The following OR2L3 variants were observed in gnomAD, a reference collection of about 807,000 sequenced individuals.
OR2L3 encodes the protein olfactory receptor family 2 subfamily L member 3, also known as olfactory receptor 2L3.
For missense variants in OR2L3, 369 were observed against 376.6 expected (o/e 0.98, Z 0.17); for synonymous variants, 131 against 139.1 (o/e 0.94, Z 0.41).
At chr1:248,049,043 G>T (rs549369254) in intron 1 of OR2L3, among the ~76,000 whole-genome samples, 3 of 150,840 alleles carry the variant, frequency 2.0e-5, no homozygotes, top group Non-Finnish European at 4.4e-5. Flanking sequence ...GAATAGCTTT[G>T]ATCAAAGGTG....
rs549770484 is a variant in OR2L3, at chr1:248,055,834, C to T, written c.-21-4827C>T. On this transcript the variant is annotated intron_variant, in intron 1 of 1. Transcript: ENST00000359959. ...CCTTTTCAATTGTTTGGAAAAGTTTCAGAAGAAATGATAACAGCTCCTCTT... is the reference window on the plus strand; with the variant it reads ...CCTTTTCAATTGTTTGGAAAAGTTTTAGAAGAAATGATAACAGCTCCTCTT... 2.6e-5 allele frequency: 4 copies of T among 152,332 alleles called. No individual in the cohort carries two copies. The South Asian group carries it at 8.3e-4, about 32-fold the overall frequency. 9.4% of individuals were successfully genotyped at this position (152,332 alleles called of 1,614,324 possible).
rs556311024 is a variant in OR2L3 at position 248,061,489 on chromosome 1, G to A, written c.808G>A (p.Asp270Asn). ...RPRSLRSPTEDKVLAVFYTTL... is the reference protein window; with the variant it reads ...RPRSLRSPTENKVLAVFYTTL... ...AAGATCCCTGCGATCTCCAACAGAG[G>A]ACAAGGTTCTGGCTGTCTTCTACAC... is the stretch of plus-strand genomic sequence containing the variant. The change falls in exon 2 of 2, where the codon GAC (aspartate) becomes AAC (asparagine). Residue 270 changes from aspartate to asparagine, a missense_variant. Transcript: ENST00000359959. 5 of 1,613,898 alleles carry A rather than the reference G, an allele frequency of 3.1e-6. No individual in the cohort carries two copies. In the African/African-American group the frequency reaches 6.7e-5, roughly 22 times the overall value.
At chr1:248,051,628 T>G (rs1663266283) in intron 1 of OR2L3, among the ~76,000 whole-genome samples, 1 of 152,078 alleles carries the variant, frequency 6.6e-6, no homozygotes, top group African/African-American at 2.4e-5. Flanking sequence ...GCTACCTATT[T>G]GTGCTATGTT....
chr1:248,060,777 C>A lies in OR2L3; in HGVS notation c.96C>A (p.Phe32Leu). Residue 32 changes from phenylalanine (F) to leucine (L), a missense_variant, in exon 2 of 2, where the codon TTC becomes TTA. Physicochemically the swap from Phe to Leu is conservative, Grantham distance 22. Coordinates refer to ENST00000359959, the MANE Select transcript of OR2L3 (RefSeq NM_001004687.2). ...IGLFLFILIV[F>L]IFLMALIGNL... ...TTTTCCTCTTCATCCTCATTGTTTT[C>A]ATTTTCCTAATGGCTCTAATTGGAA... 1.2e-6 allele frequency: 2 copies of A among 1,614,108 alleles called. No homozygotes were observed. The highest frequency in any genetic ancestry group is 1.7e-6 in the Non-Finnish European group (2 of 1,179,976).
chr1:248,060,806 T>C lies in OR2L3; in HGVS notation c.125T>C (p.Leu42Pro), dbSNP rs374441937. 2 of 1,613,984 alleles carry C rather than the reference T, an allele frequency of 1.2e-6. No homozygotes were observed. Among genetic ancestry groups the C allele is most frequent in the African/African-American group, 2.7e-5 (2 of 74,924 alleles). ...TTCCTAATGGCTCTAATTGGAAACC[T>C]ATCCATGATTCTTCTCATCTTCTTG... ...FIFLMALIGN[L>P]SMILLIFLDT... Residue 42 changes from leucine (L) to proline (P), a missense_variant, in exon 2 of 2, where the codon CTA (leucine) becomes CCA (proline). Leu to Pro is a moderately conservative substitution (Grantham distance 98). Transcript: ENST00000359959.
Position 248,061,700 on chromosome 1 carries a change from C to A in OR2L3, c.*80C>A. 2 of 1,290,834 alleles carry A rather than the reference C, an allele frequency of 1.5e-6. No homozygotes were observed. The highest frequency in any genetic ancestry group is 1.0e-6 in the Non-Finnish European group (1 of 961,400). The allele number at this position is 1,290,834 out of a possible 1,614,324, so 80.0% of individuals were successfully genotyped here. On this transcript the variant is annotated 3_prime_UTR_variant, in exon 2 of 2. Transcript: ENST00000359959. The stretch of plus-strand genomic sequence containing the variant: ...ATAGTAATTAAAATATTATTTCAAT[C>A]CTAGAGTTCAGGAGCTAAAAGTAAT...
At chr1:248,051,956 C>T (rs988818067) in intron 1 of OR2L3, among the ~76,000 whole-genome samples, 46 of 151,998 alleles carry the variant, frequency 3.0e-4, no homozygotes, top group Admixed American at 1.3e-4. Flanking sequence ...TGAGGAATAC[C>T]TGGACATATG....
In OR2L3 at chr1:248,060,138, G is replaced by T. The variant is rs949545163; in HGVS notation, c.-21-523G>T. 4.0e-5 allele frequency among the ~76,000 whole-genome samples: 6 copies of T among 151,704 alleles called. No individual in the cohort carries two copies. In the East Asian group the frequency reaches 9.6e-4, roughly 24 times the overall value. ...AAATCTAAATGTATGCATTTATACT[G>T]ACTTTCTATGCATATGTATTCAATA... On this transcript the variant is annotated intron_variant, in intron 1 of 1. Coordinates refer to ENST00000359959, the MANE Select transcript of OR2L3 (RefSeq NM_001004687.2).
intron 1 of OR2L3, among the ~76,000 whole-genome samples, chr1:248,052,709 C>T (rs548364520): frequency 4.6e-5 from 7 of 151,576 alleles, no homozygotes; most frequent in South Asian, 4.2e-4. Flanking sequence ...CCAGCCTGGG[C>T]GACAGAGTGA....
At chr1:248,057,321 G>A (rs1005323932) in intron 1 of OR2L3, among the ~76,000 whole-genome samples, 1 of 152,164 alleles carries the variant, frequency 6.6e-6, no homozygotes, top group Admixed American at 6.5e-5. Context: ...GGATGCTCCT[G>A]TATTGGGTTC....
chr1:248,058,106 CA>C (rs79310175), intron 1 of OR2L3, among the ~76,000 whole-genome samples: 12,654 of 152,076 alleles, frequency 0.083, 688 homozygotes, highest in African/African-American at 0.15. Context: ...GTTAAAATCC[CA>C]ACTGTCACAT....
At chr1:248,058,652 AT>A (rs901707562) in intron 1 of OR2L3, among the ~76,000 whole-genome samples, 1 of 151,212 alleles carries the variant, frequency 6.6e-6, no homozygotes, top group African/African-American at 2.4e-5. Flanking sequence ...TTTATATAAT[AT>A]TTTTCAGGAA....
At chr1:248,049,455 T>C (rs549503743) in intron 1 of OR2L3, among the ~76,000 whole-genome samples, 1 of 152,258 alleles carries the variant, frequency 6.6e-6, no homozygotes, top group East Asian at 1.9e-4. Context: ...ACAGAGGAGA[T>C]TATATGGGTG....
intron 1 of OR2L3, among the ~76,000 whole-genome samples, chr1:248,051,034 T>C (rs1462305294): frequency 5.3e-5 from 8 of 152,200 alleles, no homozygotes; most frequent in Non-Finnish European, 1.0e-4. Flanking sequence ...ATTTTAACCA[T>C]TTTAAGTGTA....
intron 1 of OR2L3, among the ~76,000 whole-genome samples, chr1:248,058,226 C>T (rs138327788): frequency 1.2e-3 from 180 of 152,320 alleles, no homozygotes; most frequent in African/African-American, 4.2e-3. Context: ...ACCCCAAAGG[C>T]AAGGACTTCA....
intron 1 of OR2L3, among the ~76,000 whole-genome samples, chr1:248,060,403 T>C (rs975912585): frequency 6.6e-6 from 1 of 152,232 alleles, no homozygotes; most frequent in Non-Finnish European, 1.5e-5. Context: ...GAGAGAAAGA[T>C]AGAGACCATA....
intron 1 of OR2L3, among the ~76,000 whole-genome samples, chr1:248,053,753 CT>C (rs924644819): frequency 6.6e-6 from 1 of 152,004 alleles, no homozygotes; most frequent in African/African-American, 2.4e-5. Flanking sequence ...ATACCTATGT[CT>C]TTTTTTTGAG....
intron 1 of OR2L3, among the ~76,000 whole-genome samples, chr1:248,060,349 A>G (rs1663582295): frequency 6.6e-6 from 1 of 152,208 alleles, no homozygotes; most frequent in Non-Finnish European, 1.5e-5. Context: ...CAAAATAGGT[A>G]AGAAGTCAGA....
rs767527551 is a variant in OR2L3, at chr1:248,060,884, T to G, written c.203T>G (p.Ile68Ser). 3 of 1,613,924 alleles carry G rather than the reference T, an allele frequency of 1.9e-6. No homozygotes were observed. Among genetic ancestry groups the G allele is most frequent in the Non-Finnish European group, 2.5e-6 (3 of 1,179,856 alleles). The change falls in exon 2 of 2, where the codon ATT becomes AGT. Residue 68 changes from isoleucine (I) to serine (S), a missense_variant. Coordinates refer to ENST00000359959, the MANE Select transcript of OR2L3 (RefSeq NM_001004687.2). The part of the protein sequence containing the change: ...MYFLLSQLSL[I>S]DLNYISTIVP... Reference sequence around the variant, plus strand: ...TTCCTACTTAGTCAGCTCTCCCTCATTGACCTAAATTACATCTCCACCATT... The same window carrying G: ...TTCCTACTTAGTCAGCTCTCCCTCAGTGACCTAAATTACATCTCCACCATT...
Sources: gnomAD v4.1 joint callset for allele counts (sites outside exome capture counted in the v4.1 genomes callset) on GRCh38, gnomAD v4.1.1 for gene constraint, MANE v1.5 for transcripts, NCBI Gene and HGNC (gene_info 2026-07-23, HGNC 2026-07-21) for gene names.